Variants in SYCP1 observed in about 807,000 individuals in gnomAD.
SYCP1 encodes synaptonemal complex protein 1.
SYCP1 carries 64 observed loss-of-function variants against 153.1 expected under a neutral mutation model. The observed-to-expected ratio is 0.42, with a 90% CI of 0.34 to 0.51. SYCP1 has a LOEUF of 0.51. SYCP1 is among the 20% of genes least tolerant of loss of function. SYCP1 has a pLI of 0.06. For missense variants in SYCP1, 997 were observed against 1,049.0 expected, an observed-to-expected ratio of 0.95 and a Z score of 0.68; for synonymous variants, 384 against 341.8, an observed-to-expected ratio of 1.12 and a Z score of -1.36.
At chr1:114,955,604 C>T (rs1030253168) in intron 27 of SYCP1, among the ~76,000 whole-genome samples, 3 of 152,112 alleles carry the variant, frequency 2.0e-5, no homozygotes, top group African/African-American at 7.2e-5. Flanking sequence ...GTTTCAGGGT[C>T]ACCATTAACC....
intron 8 of SYCP1, among the ~76,000 whole-genome samples, chr1:114,873,882 G>T (rs12735467): frequency 0.099 from 15,054 of 152,064 alleles, 930 homozygotes; most frequent in South Asian, 0.17. Flanking sequence ...TAGGCATGTG[G>T]TACTATGCTT....
chr1:114,935,303 G>C (rs1341795689), intron 23 of SYCP1, among the ~76,000 whole-genome samples: 4 of 151,610 alleles, frequency 2.6e-5, no homozygotes, highest in Non-Finnish European at 5.9e-5. Context: ...GCTCCTGAAT[G>C]ACTACTGGTA....
At chr1:114,963,943 C>T (rs1429922079) in intron 27 of SYCP1, among the ~76,000 whole-genome samples, 1 of 152,170 alleles carries the variant, frequency 6.6e-6, no homozygotes, top group Admixed American at 6.5e-5. Flanking sequence ...CTTGAGGAAT[C>T]ACCACACTGT....
At chr1:114,925,867 A>T (rs1256090647) in intron 21 of SYCP1, among the ~76,000 whole-genome samples, 1 of 152,184 alleles carries the variant, frequency 6.6e-6, no homozygotes, top group Non-Finnish European at 1.5e-5. Context: ...AATTATATAT[A>T]TTAATGGTAT....
intron 20 of SYCP1, among the ~76,000 whole-genome samples, chr1:114,922,661 A>T (rs1400681581): frequency 1.3e-5 from 2 of 152,070 alleles, no homozygotes; most frequent in Non-Finnish European, 2.9e-5. Context: ...TTCAATATGA[A>T]ATTTGGGTGA....
intron 16 of SYCP1, among the ~76,000 whole-genome samples, chr1:114,903,651 G>A (rs1294985605): frequency 6.6e-6 from 1 of 152,112 alleles, no homozygotes; most frequent in African/African-American, 2.4e-5. Context: ...TTTTAGCAGG[G>A]AGTGACTTGA....
At chr1:114,980,134 A>G (rs1673058518) in intron 28 of SYCP1, among the ~76,000 whole-genome samples, 1 of 151,794 alleles carries the variant, frequency 6.6e-6, no homozygotes. Flanking sequence ...GAAAAAGGGG[A>G]ATTTGAGTTT....
chr1:114,901,516 A>T (rs1231271934), intron 16 of SYCP1, among the ~76,000 whole-genome samples: 4 of 152,202 alleles, frequency 2.6e-5, no homozygotes, highest in Admixed American at 1.3e-4. Context: ...GCAAAAGGTT[A>T]TGCAGATATG....
rs531616390 is a variant in SYCP1, at chr1:114,933,864, A to G, written c.1926+7301A>G. On this transcript the variant is annotated intron_variant, in intron 23 of 31. Coordinates refer to ENST00000369522, the MANE Select transcript of SYCP1 (RefSeq NM_003176.4). ...GAGAAGAGAAGTTTAGAGAAAAAAG[A>G]GTAAAAAGAAATGAATAAATCCTCC... 8.5e-5 allele frequency among the ~76,000 whole-genome samples: 13 copies of G among 152,340 alleles called. No homozygotes were observed. The South Asian group carries it at 2.5e-3, about 29-fold the overall frequency.
chr1:114,966,647 G>T (rs969143130), intron 27 of SYCP1, among the ~76,000 whole-genome samples: 1 of 149,312 alleles, frequency 6.7e-6, no homozygotes, highest in Non-Finnish European at 1.5e-5. Context: ...TCATGTAGTT[G>T]TGTGGTTTTG....
chr1:114,864,105 A>G (rs1032346244), intron 8 of SYCP1, among the ~76,000 whole-genome samples: 25 of 151,828 alleles, frequency 1.6e-4, no homozygotes, highest in Non-Finnish European at 2.8e-4. Context: ...AAAGCTACAC[A>G]TTCTGCACAT....
chr1:114,935,689 C>T (rs571237609), intron 23 of SYCP1, among the ~76,000 whole-genome samples: 77 of 152,156 alleles, frequency 5.1e-4, no homozygotes, highest in African/African-American at 1.6e-3. Flanking sequence ...AGAAAAGAAT[C>T]AAATAGATGC....
At chr1:114,871,874 C>T (rs1665160643) in intron 8 of SYCP1, among the ~76,000 whole-genome samples, 1 of 152,214 alleles carries the variant, frequency 6.6e-6, no homozygotes, top group African/African-American at 2.4e-5. Flanking sequence ...GTGTGAGCCA[C>T]TGCGCCTGGC....
chr1:114,972,356 C>A (rs1672547770), intron 27 of SYCP1, among the ~76,000 whole-genome samples: 1 of 151,588 alleles, frequency 6.6e-6, no homozygotes, highest in South Asian at 2.1e-4. Flanking sequence ...TTTATCTTTT[C>A]AAAAAAGTAA....
intron 23 of SYCP1, among the ~76,000 whole-genome samples, chr1:114,942,873 A>C (rs1670472800): frequency 1.3e-5 from 2 of 151,970 alleles, no homozygotes; most frequent in Non-Finnish European, 2.9e-5. Context: ...AAAGTAACAA[A>C]CCTCAAAATT....
At position 114,886,311 on chromosome 1, in the gene SYCP1, TA is replaced by T; in HGVS notation, c.1190+6del. 6.6e-7 allele frequency: 1 copy of T among 1,511,094 alleles called. No homozygotes were observed. Among genetic ancestry groups the T allele is most frequent in the Non-Finnish European group, 8.8e-7 (1 of 1,131,232 alleles). 93.6% of individuals were successfully genotyped at this position (1,511,094 alleles called of 1,614,324 possible). On this transcript the variant is annotated splice_donor_region_variant and intron_variant, in intron 14 of 31. Transcript: ENST00000369522. ...ATTATTGAGAACAGAACAGCAAAGG[TA>T]AAATATTTATTATTTTTAATACACA...
Position 114,974,275 on chromosome 1 carries a change from G to A in SYCP1, c.2323-3282G>A, listed in dbSNP as rs189562226. On this transcript the variant is annotated intron_variant, in intron 27 of 31. Coordinates refer to ENST00000369522, the MANE Select transcript of SYCP1 (RefSeq NM_003176.4). ...TAAAATGTGATGTTAGATAATGCTG[G>A]CCAATATTTTATTTAGCACTTTTAT... 4.4e-3 allele frequency among the ~76,000 whole-genome samples: 666 copies of A among 151,850 alleles called. 2 individuals carry two copies. Among genetic ancestry groups the A allele is most frequent in the Non-Finnish European group, 7.6e-3 (514 of 67,772 alleles).
chr1:114,978,421 C>G (rs1225201291), intron 28 of SYCP1, among the ~76,000 whole-genome samples: 1 of 151,452 alleles, frequency 6.6e-6, no homozygotes, highest in Non-Finnish European at 1.5e-5. Context: ...TTTTTCTCCC[C>G]TAAGGAATCA....
chr1:114,900,418 TTA>T (rs1667352104), intron 16 of SYCP1, among the ~76,000 whole-genome samples: 1 of 152,052 alleles, frequency 6.6e-6, no homozygotes, highest in African/African-American at 2.4e-5. Flanking sequence ...GTAGCTGGGA[TTA>T]TAGGCGCCCA....
Sources: gnomAD v4.1 joint callset for allele counts (sites outside exome capture counted in the v4.1 genomes callset) on GRCh38, gnomAD v4.1.1 for gene constraint, MANE v1.5 for transcripts, NCBI Gene and HGNC (gene_info 2026-07-23, HGNC 2026-07-21) for gene names.